The following PIK3CA variants were observed in gnomAD, a reference collection of about 807,000 sequenced individuals.
PIK3CA encodes the protein phosphatidylinositol-4,5-bisphosphate 3-kinase catalytic subunit alpha, also known as phosphatidylinositol 4,5-bisphosphate 3-kinase catalytic subunit alpha isoform.
PIK3CA carries 27 observed loss-of-function variants against 138.2 expected under a neutral mutation model. That is an observed-to-expected ratio of 0.20 (90% CI 0.14 to 0.27). The LOEUF (loss-of-function observed/expected upper bound fraction) is 0.27, where lower values mean the gene tolerates loss of function less well. Among genes scored for constraint, PIK3CA ranks in the 10% least tolerant of loss-of-function variants. The pLI is 1.00. For missense variants in PIK3CA, 544 were observed against 1,277.4 expected (o/e 0.43, Z 8.75); for synonymous variants, 358 against 413.2 (o/e 0.87, Z 1.62).
At chr3:179,167,696 T>G (rs1274348257) in intron 1 of PIK3CA, among the ~76,000 whole-genome samples, 1 of 152,110 alleles carries the variant, frequency 6.6e-6, no homozygotes, top group Admixed American at 6.5e-5. Flanking sequence ...AGTGCTACAG[T>G]TGGATTTCTT....
chr3:179,162,825 C>T (rs923771415), intron 1 of PIK3CA, among the ~76,000 whole-genome samples: 2 of 151,410 alleles, frequency 1.3e-5, no homozygotes, highest in Admixed American at 6.6e-5. Context: ...CAGTTTTCCT[C>T]ATTAAATTAC....
chr3:179,170,138 G>C lies in PIK3CA; in HGVS notation c.-77+21535G>C, dbSNP rs79847525. Among the ~76,000 whole-genome samples, 1,495 of 151,820 alleles carry C rather than the reference G, an allele frequency of 9.8e-3. 32 individuals are homozygous for C. The highest frequency in any genetic ancestry group is 0.035 in the African/African-American group (1,441 of 41,404). On this transcript the variant is annotated intron_variant, in intron 1 of 20. Transcript: ENST00000263967. ...TAGGGATAGAAAGCTATTCTTTGAC[G>C]TACTAAGTAATAGATATACCAAACT...
Position 179,230,347 on chromosome 3 carries a change from AG to A in PIK3CA, c.2908del (p.Glu970AsnfsTer20). Reference protein sequence around the residue: ...FLIVISKGAQECTKTREFERF... With the variant: ...FLIVISKGAQXCTKTREFERF... ...TAATAGTGATTAGTAAAGGAGCCCAAGAATGCACAAAGACAAGAGAATTTGA... is the reference window on the plus strand; with the variant it reads ...TAATAGTGATTAGTAAAGGAGCCCAAAATGCACAAAGACAAGAGAATTTGA... On this transcript the variant is annotated frameshift_variant, in exon 20 of 21. Coordinates refer to ENST00000263967, the MANE Select transcript of PIK3CA (RefSeq NM_006218.4). LOFTEE classifies it high-confidence loss of function. The surrounding 1 kb of genome is among the most constrained non-coding windows in gnomAD (Gnocchi z 5.4). 1 of 1,608,222 alleles carries A rather than the reference AG, an allele frequency of 6.2e-7. No individual in the cohort carries two copies. The highest frequency in any genetic ancestry group is 8.5e-7 in the Non-Finnish European group (1 of 1,178,190).
chr3:179,193,324 G>A (rs1446395367), intron 1 of PIK3CA, among the ~76,000 whole-genome samples: 2 of 152,156 alleles, frequency 1.3e-5, no homozygotes, highest in African/African-American at 4.8e-5. Flanking sequence ...TTATCTTTTG[G>A]TCTGTTGGCC....
Position 179,219,591 on chromosome 3 carries a change from T to C in PIK3CA, c.1767T>C (p.Asp589=), listed in dbSNP as rs199540873. 70 of 1,496,816 alleles carry C rather than the reference T, an allele frequency of 4.7e-5. No individual in the cohort carries two copies. The highest frequency in any genetic ancestry group is 5.9e-5 in the Non-Finnish European group (63 of 1,075,190). 92.7% of individuals were successfully genotyped at this position (1,496,816 alleles called of 1,614,324 possible). ...CACAGATGTATTGCTTGGTAAAAGATTGGCCTCCAATCAAACCTGAACAGG... is the reference window on the plus strand; with the variant it reads ...CACAGATGTATTGCTTGGTAAAAGACTGGCCTCCAATCAAACCTGAACAGG... ...EVAQMYCLVK[D]WPPIKPEQAM... is the part of the protein sequence containing the mutation. The change falls in exon 12 of 21, where the codon GAT becomes GAC. Residue 589 remains aspartate (D), a synonymous_variant. Transcript: ENST00000263967. The surrounding 1 kb of genome is among the most constrained non-coding windows in gnomAD (Gnocchi z 4.2).
intron 1 of PIK3CA, among the ~76,000 whole-genome samples, chr3:179,179,414 G>C (rs945434389): frequency 2.0e-5 from 3 of 152,192 alleles, no homozygotes; most frequent in African/African-American, 4.8e-5. Flanking sequence ...AGTATACACT[G>C]TGATTCAATT....
At position 179,239,998 on chromosome 3, in the gene PIK3CA, A is replaced by G; in HGVS notation, c.*5634A>G. On this transcript the variant is annotated 3_prime_UTR_variant, in exon 21 of 21. Coordinates refer to ENST00000263967, the MANE Select transcript of PIK3CA (RefSeq NM_006218.4). ...AGAAGTTTGGCCTGTGACTGCACTT[A>G]CTGTTTATGCTCATCAGAAACTGTC... 1 of 1,542,748 alleles carries G rather than the reference A, an allele frequency of 6.5e-7. No homozygotes were observed. Among genetic ancestry groups the G allele is most frequent in the Non-Finnish European group, 8.8e-7 (1 of 1,141,656 alleles).
At chr3:179,185,382 C>G (rs1310856324) in intron 1 of PIK3CA, among the ~76,000 whole-genome samples, 1 of 152,206 alleles carries the variant, frequency 6.6e-6, no homozygotes, top group African/African-American at 2.4e-5. Context: ...TGCTCTCACA[C>G]TACAATAATC....
intron 1 of PIK3CA, chr3:179,149,852 ATTTG>A (rs1420349645): frequency 6.6e-6 from 1 of 152,222 alleles, no homozygotes. Context: ...ACCGTACAAA[ATTTG>A]TTTATGTGCT....
intron 4 of PIK3CA, among the ~76,000 whole-genome samples, chr3:179,203,302 G>A (rs1307249628): frequency 6.6e-6 from 1 of 152,136 alleles, no homozygotes; most frequent in African/African-American, 2.4e-5. Context: ...AGTTTCAAAA[G>A]TTGACCTTAA....
At chr3:179,162,859 TAA>T (rs536763876) in intron 1 of PIK3CA, among the ~76,000 whole-genome samples, 1 of 145,486 alleles carries the variant, frequency 6.9e-6, no homozygotes. Flanking sequence ...TTCTCTTCTT[TAA>T]AAAAAAAAAA....
chr3:179,231,221 T>C (rs1166193930), intron 20 of PIK3CA, among the ~76,000 whole-genome samples: 1 of 152,176 alleles, frequency 6.6e-6, no homozygotes, highest in African/African-American at 2.4e-5. Flanking sequence ...GTACTTAACG[T>C]TGGTTTCATA....
In PIK3CA at chr3:179,153,475, T is replaced by TA. The variant is rs1307647569; in HGVS notation, c.-77+4873dup. On this transcript the variant is annotated intron_variant, in intron 1 of 20. Coordinates refer to ENST00000263967, the MANE Select transcript of PIK3CA (RefSeq NM_006218.4). The stretch of plus-strand genomic sequence containing the variant: ...ATGTTTGCTTTCTGGTGGTCAAAGG[T>TA]ACACAAACTTTGTTTCATGCATATA... Among the ~76,000 whole-genome samples the TA allele has an allele frequency of 2.6e-5, 4 of 152,322 alleles. No individual in the cohort carries two copies. In the East Asian group the frequency reaches 7.7e-4, roughly 29 times the overall value.
chr3:179,153,122 TAAGAA>T (rs901166986), intron 1 of PIK3CA, among the ~76,000 whole-genome samples: 3 of 152,190 alleles, frequency 2.0e-5, no homozygotes, highest in Admixed American at 6.5e-5. Flanking sequence ...TCAGGTGATA[TAAGAA>T]ATATAGGAAA....
rs1326663311 is a variant in PIK3CA at position 179,199,733 on chromosome 3, A to C, written c.396A>C (p.Lys132Asn). Residue 132 changes from lysine (K) to asparagine (N), a missense_variant, in exon 3 of 21, where the codon AAA becomes AAC. Transcript: ENST00000263967. ...GMPVCEFDMV[K>N]DPEVQDFRRN... ...CAGTGTGTGAATTTGATATGGTTAA[A>C]GATCCAGAAGTACAGGACTTCCGAA... The C allele has an allele frequency of 6.2e-7, 1 of 1,613,228 alleles. No individual in the cohort carries two copies. Among genetic ancestry groups the C allele is most frequent in the Non-Finnish European group, 8.5e-7 (1 of 1,179,422 alleles).
chr3:179,181,206 A>G (rs1024105207), intron 1 of PIK3CA, among the ~76,000 whole-genome samples: 4 of 152,198 alleles, frequency 2.6e-5, no homozygotes, highest in African/African-American at 9.6e-5. Context: ...GAATAGAGAA[A>G]AGAAACATTC....
At chr3:179,210,111 C>T (rs2108399899) in intron 7 of PIK3CA, 75 bp from the exon 8 acceptor site, 2 of 1,153,210 alleles carry the variant, frequency 1.7e-6, no homozygotes, top group South Asian at 1.6e-5. Flanking sequence ...GTTGAATTTT[C>T]CTTTTGGGGA....
rs777496847 is a variant in PIK3CA at position 179,199,914 on chromosome 3, A to C, written c.562+15A>C. The stretch of plus-strand genomic sequence containing the variant: ...ATTAGATAAAGGTAAGAAAATGACT[A>C]ATCTACTCTAATCATTACTATAGTG... On this transcript the variant is annotated intron_variant, in intron 3 of 20. Transcript: ENST00000263967. 3 of 1,396,288 alleles carry C rather than the reference A, an allele frequency of 2.1e-6. No individual in the cohort carries two copies. Among genetic ancestry groups the C allele is most frequent in the South Asian group, 2.3e-5 (2 of 86,584 alleles). The allele number at this position is 1,396,288 out of a possible 1,614,324, so 86.5% of individuals were successfully genotyped here. A position where few individuals can be genotyped will look rare whatever the true frequency, so the allele number is the denominator to read the frequency against.
At chr3:179,155,598 T>C (rs1435934316) in intron 1 of PIK3CA, among the ~76,000 whole-genome samples, 1 of 152,172 alleles carries the variant, frequency 6.6e-6, no homozygotes, top group Non-Finnish European at 1.5e-5. Context: ...TTACATTGTA[T>C]TAAGTATTAA....
Sources: allele counts gnomAD v4.1 joint callset (sites outside exome capture counted in the v4.1 genomes callset), GRCh38; gene constraint gnomAD v4.1.1; non-coding constraint Gnocchi (gnomAD v3.1); transcripts MANE v1.5; gene names NCBI Gene and HGNC (gene_info 2026-07-23, HGNC 2026-07-21).